The following BRCA1 variants were observed in gnomAD, a reference collection of about 807,000 sequenced individuals.
BRCA1 encodes BRCA1 DNA repair associated, also known as breast cancer type 1 susceptibility protein.
BRCA1 carries 140 observed loss-of-function variants against 173.7 expected under a neutral mutation model. That is an observed-to-expected ratio of 0.81 (90% CI 0.70 to 0.93). The LOEUF (loss-of-function observed/expected upper bound fraction) is 0.93. BRCA1 is among the 40% of genes least tolerant of loss of function. The pLI, the probability that BRCA1 is intolerant of heterozygous loss-of-function variation, is 0.00. For synonymous variants in BRCA1, 662 were observed against 756.0 expected, an observed-to-expected ratio of 0.88 and a Z score of 2.04; for missense variants, 1,983 against 2,172.5, an observed-to-expected ratio of 0.91 and a Z score of 1.73.
rs80357049 is a variant in BRCA1 at position 43,092,449 on chromosome 17, G to A, written c.3082C>T (p.Arg1028Cys). 3.2e-5 allele frequency: 51 copies of A among 1,613,618 alleles called. No individual in the cohort carries two copies. Among genetic ancestry groups the A allele is most frequent in the Middle Eastern group, 1.6e-4 (1 of 6,080 alleles). ...NIPSTVSTISRNNIRENVFKE... is the reference protein window; with the variant it reads ...NIPSTVSTISCNNIRENVFKE... Reference sequence around the variant, plus strand: ...AAAACATTTTCTCTAATGTTATTACGGCTAATTGTGCTCACTGTACTTGGA... The same window carrying A: ...AAAACATTTTCTCTAATGTTATTACAGCTAATTGTGCTCACTGTACTTGGA... The change falls in exon 10 of 23, where the codon CGT becomes TGT. Residue 1028 changes from arginine to cysteine, a missense_variant. Transcript: ENST00000357654.
rs2050971311 is a variant in BRCA1 at position 43,047,622 on chromosome 17, A to G, written c.5467+21T>C. 6.2e-7 allele frequency: 1 copy of G among 1,613,958 alleles called. No homozygotes were observed. The highest frequency in any genetic ancestry group is 8.5e-7 in the Non-Finnish European group (1 of 1,179,880). The stretch of plus-strand genomic sequence containing the variant: ...CATGCAAAAGGACCCCATATAGCAC[A>G]GGTACATGCAGGCACCTTACCATGG... On this transcript the variant is annotated intron_variant, in intron 22 of 22. Coordinates refer to ENST00000357654, the MANE Select transcript of BRCA1 (RefSeq NM_007294.4).
Position 43,091,895 on chromosome 17 carries a change from T to C in BRCA1, c.3636A>G (p.Ser1212=), listed in dbSNP as rs148038877. ...YRRGAKKLES[S]EENLSSEDEE... is the part of the protein sequence containing the mutation. ...CATCCTCACTAGATAAGTTCTCTTC[T>C]GAGGACTCTAATTTCTTGGCCCCTC... Residue 1212 remains serine, a synonymous_variant, in exon 10 of 23, where the codon TCA becomes TCG. Coordinates refer to ENST00000357654, the MANE Select transcript of BRCA1 (RefSeq NM_007294.4). The C allele has an allele frequency of 6.4e-5, 104 of 1,614,066 alleles. No homozygotes were observed. Among genetic ancestry groups the C allele is most frequent in the Non-Finnish European group, 8.8e-5 (104 of 1,180,024 alleles).
At chr17:43,077,086 C>T (rs975156875) in intron 12 of BRCA1, among the ~76,000 whole-genome samples, 2 of 152,040 alleles carry the variant, frequency 1.3e-5, no homozygotes, top group African/African-American at 4.8e-5. Flanking sequence ...TCAGCTTCTG[C>T]ATGTCGGGGG....
rs865978078 is a variant in BRCA1, at chr17:43,100,715, C to A, written c.442-835G>T. Among the ~76,000 whole-genome samples, 27 of 53,800 alleles carry A rather than the reference C, an allele frequency of 5.0e-4. 1 individual carries two copies. The Middle Eastern group carries it at 0.048, about 96-fold the overall frequency. 35.3% of individuals were successfully genotyped at this position (53,800 alleles called of 152,430 possible). A position where few individuals can be genotyped will look rare whatever the true frequency, so the allele number is the denominator to read the frequency against. On this transcript the variant is annotated intron_variant, in intron 6 of 22. Transcript: ENST00000357654. ...TATATATATATATGTAATCCCAGCA[C>A]TTTGGGATATATGTGTATATATGTT... is the stretch of plus-strand genomic sequence containing the variant.
chr17:43,053,969 TA>T lies in BRCA1; in HGVS notation c.5278-2853del, dbSNP rs879828773. Among the ~76,000 whole-genome samples the T allele has an allele frequency of 5.5e-3, 756 of 136,242 alleles. 2 individuals are homozygous for T. The highest frequency in any genetic ancestry group is 1.0e-2 in the Admixed American group (135 of 13,520). 89.4% of individuals were successfully genotyped at this position (136,242 alleles called of 152,430 possible). The stretch of plus-strand genomic sequence containing the variant: ...GGGCAAGAAGAGCAAAGCTTCGTCT[TA>T]AAAAAAAAAAAAAAGAAATTTGAAG... On this transcript the variant is annotated intron_variant, in intron 19 of 22. Transcript: ENST00000357654.
intron 2 of BRCA1, among the ~76,000 whole-genome samples, chr17:43,121,445 G>A (rs1427644257): frequency 6.6e-6 from 1 of 151,928 alleles, no homozygotes; most frequent in Non-Finnish European, 1.5e-5. Context: ...AGCACTTTCG[G>A]AGGCCAAGGC....
At chr17:43,064,639 A>AAGCAGC (rs796218625) in intron 16 of BRCA1, among the ~76,000 whole-genome samples, 6 of 152,064 alleles carry the variant, frequency 3.9e-5, no homozygotes, top group Admixed American at 1.3e-4. Context: ...GGCTATCTGC[A>AAGCAGC]AGCAGCAGCA....
chr17:43,144,264 C>T (rs998412378), intron 1 of BRCA1: 14 of 306,654 alleles, frequency 4.6e-5, no homozygotes, highest in Admixed American at 2.4e-4. Flanking sequence ...CTTGTAAGGG[C>T]GAAAAGCCCC....
In BRCA1 at chr17:43,089,490, A is replaced by C. The variant is rs1008856876; in HGVS notation, c.4185+1454T>G. 2.0e-5 allele frequency among the ~76,000 whole-genome samples: 3 copies of C among 152,056 alleles called. No homozygotes were observed. In the East Asian group the frequency reaches 5.8e-4, roughly 29 times the overall value. On this transcript the variant is annotated intron_variant, in intron 11 of 22. Transcript: ENST00000357654. The stretch of plus-strand genomic sequence containing the variant: ...ATATGGTAAAGCTTTTATTTATTTC[A>C]TAGGTGACCAAATTATTGGCCTTGA...
intron 1 of BRCA1, among the ~76,000 whole-genome samples, chr17:43,141,064 G>C (rs759537739): frequency 1.1e-4 from 17 of 152,270 alleles, no homozygotes; most frequent in Middle Eastern, 3.4e-3. Flanking sequence ...ATGGTTTGCC[G>C]TCAGTGAGAT....
intron 1 of BRCA1, among the ~76,000 whole-genome samples, chr17:43,147,090 T>G (rs1278223184): frequency 3.3e-5 from 5 of 152,158 alleles, no homozygotes; most frequent in African/African-American, 4.8e-5. Context: ...CCGCAACCTC[T>G]GCCTCCTGGG....
At chr17:43,077,779 G>A (rs1465257322) in intron 12 of BRCA1, among the ~76,000 whole-genome samples, 1 of 151,882 alleles carries the variant, frequency 6.6e-6, no homozygotes, top group South Asian at 2.1e-4. Flanking sequence ...TGTTGCCCAG[G>A]CTGCAGTGCA....
chr17:43,056,960 C>A (rs2153338858), intron 19 of BRCA1, 92 bp downstream of exon 19: 1 of 1,188,612 alleles, frequency 8.4e-7, no homozygotes. Context: ...TGTAATAAGT[C>A]TTACAAAATG....
At position 43,104,276 on chromosome 17, in the gene BRCA1, G is replaced by A. The variant is rs1057520871; in HGVS notation, c.302-15C>T. The A allele has an allele frequency of 6.2e-7, 1 of 1,607,342 alleles. No individual in the cohort carries two copies. ...GCTGTTTGCATCTGTAAAATACAAGGGAAAACATTATGTTTGCAGTTAGAG... is the reference window on the plus strand; with the variant it reads ...GCTGTTTGCATCTGTAAAATACAAGAGAAAACATTATGTTTGCAGTTAGAG... On this transcript the variant is annotated splice_polypyrimidine_tract_variant and intron_variant, in intron 5 of 22. Transcript: ENST00000357654.
rs2052395711 is a variant in BRCA1 at position 43,071,067 on chromosome 17, G to A, written c.4847C>T (p.Ala1616Val). The A allele has an allele frequency of 6.2e-7, 1 of 1,614,192 alleles. No individual in the cohort carries two copies. Among genetic ancestry groups the A allele is most frequent in the Admixed American group, 1.7e-5 (1 of 60,014 alleles). Reference sequence around the variant, plus strand: ...CCCAGCAGTATCAGTAGTATGAGCAGCAGCTGGACTCTGGGCAGATTCTGC... The same window carrying A: ...CCCAGCAGTATCAGTAGTATGAGCAACAGCTGGACTCTGGGCAGATTCTGC... ...KVAESAQSPAAAHTTDTAGYN... is the reference protein window; with the variant it reads ...KVAESAQSPAVAHTTDTAGYN... Residue 1616 changes from alanine to valine, a missense_variant, in exon 15 of 23, where the codon GCT (alanine) becomes GTT (valine). By Grantham distance (64) the Ala-to-Val change is moderately conservative (BLOSUM62 0). Transcript: ENST00000357654.
intron 11 of BRCA1, among the ~76,000 whole-genome samples, chr17:43,085,709 GAAGT>G (rs2053202940): frequency 6.6e-6 from 1 of 152,060 alleles, no homozygotes; most frequent in African/African-American, 2.4e-5. Context: ...TGAAATATGA[GAAGT>G]AAGGGCAAGT....
intron 20 of BRCA1, chr17:43,050,020 A>T: frequency 1.3e-5 from 5 of 398,578 alleles, no homozygotes; most frequent in Non-Finnish European, 8.8e-6. Flanking sequence ...ATTTCATAAA[A>T]ATCCAATTGA....
At chr17:43,123,247 C>T (rs1310059405) in intron 2 of BRCA1, among the ~76,000 whole-genome samples, 4 of 150,738 alleles carry the variant, frequency 2.7e-5, no homozygotes, top group African/African-American at 9.8e-5. Context: ...CTCTGCATTT[C>T]ATTGTATGTA....
intron 1 of BRCA1, among the ~76,000 whole-genome samples, chr17:43,168,553 C>T (rs1021418674): frequency 3.3e-5 from 5 of 152,168 alleles, no homozygotes; most frequent in African/African-American, 9.7e-5. Flanking sequence ...GCAGGAGAAT[C>T]GCTTGAACCC....
Sources: gnomAD v4.1 joint callset for allele counts (sites outside exome capture counted in the v4.1 genomes callset) on GRCh38, gnomAD v4.1.1 for gene constraint, MANE v1.5 for transcripts, NCBI Gene and HGNC (gene_info 2026-07-23, HGNC 2026-07-21) for gene names.